SAMD12: variants seen among roughly 807,000 people sequenced by gnomAD.
SAMD12 encodes sterile alpha motif domain-containing protein 12.
In SAMD12, 9 loss-of-function variants were observed where a neutral mutation model predicts 15.0. The observed-to-expected ratio is 0.60, with a 90% CI of 0.36 to 1.05. SAMD12 has a LOEUF of 1.05. SAMD12 is among the 50% of genes least tolerant of loss of function. The probability of loss-of-function intolerance (pLI) is 0.01; values close to 1 mark genes in which losing one functional copy is unlikely to be tolerated. For synonymous variants in SAMD12, 86 were observed against 90.1 expected, an observed-to-expected ratio of 0.96 and a Z score of 0.25; for missense variants, 230 against 234.2, an observed-to-expected ratio of 0.98 and a Z score of 0.12.
chr8:118,433,759 G>GA (rs1232654938), intron 3 of SAMD12, among the ~76,000 whole-genome samples: 2 of 151,994 alleles, frequency 1.3e-5, no homozygotes, highest in Non-Finnish European at 2.9e-5. Context: ...AAAGAAATGT[G>GA]AAAAAACAAA....
chr8:118,562,957 A>G (rs1273037000), intron 2 of SAMD12, among the ~76,000 whole-genome samples: 1 of 152,218 alleles, frequency 6.6e-6, no homozygotes, highest in African/African-American at 2.4e-5. Flanking sequence ...ACATAAGAAA[A>G]AGGCTGCTGA....
chr8:118,197,548 AACCCAT>A (rs1819599814), exon 5 of SAMD12: 4 of 720,274 alleles, frequency 5.6e-6, no homozygotes, highest in Non-Finnish European at 1.0e-5. Context: ...ATTTTTCCAA[AACCCAT>A]AATATTGACT....
chr8:118,392,959 C>T (rs574999219), intron 3 of SAMD12, among the ~76,000 whole-genome samples: 7 of 152,224 alleles, frequency 4.6e-5, no homozygotes, highest in South Asian at 4.2e-4. Flanking sequence ...CCAAGTGATT[C>T]ACCAAATGTT....
chr8:118,446,763 A>G (rs747762686), intron 2 of SAMD12, among the ~76,000 whole-genome samples: 7 of 152,140 alleles, frequency 4.6e-5, no homozygotes, highest in Non-Finnish European at 7.3e-5. Flanking sequence ...TGCCCACTGT[A>G]CTAATCTCCT....
intron 4 of SAMD12, among the ~76,000 whole-genome samples, chr8:118,247,888 T>G (rs1812732346): frequency 6.6e-6 from 1 of 152,162 alleles, no homozygotes; most frequent in African/African-American, 2.4e-5. Flanking sequence ...AAAGATTTAT[T>G]AATCTTATAA....
intron 4 of SAMD12, among the ~76,000 whole-genome samples, chr8:118,249,549 T>A (rs182098078): frequency 6.6e-6 from 1 of 152,194 alleles, no homozygotes; most frequent in Non-Finnish European, 1.5e-5. Context: ...TATGTACGTA[T>A]GCATCACACA....
chr8:118,502,610 C>A (rs763893678), intron 2 of SAMD12, among the ~76,000 whole-genome samples: 1 of 152,140 alleles, frequency 6.6e-6, no homozygotes, highest in Non-Finnish European at 1.5e-5. Flanking sequence ...TTGAAGAGCA[C>A]ATTTTCATTA....
chr8:118,369,332 T>G (rs1818960439), intron 4 of SAMD12, among the ~76,000 whole-genome samples: 1 of 152,066 alleles, frequency 6.6e-6, no homozygotes, highest in South Asian at 2.1e-4. Context: ...TAATAAACGG[T>G]GCTGGGAAAC....
At chr8:118,454,869 A>G (rs1586730834) in intron 2 of SAMD12, among the ~76,000 whole-genome samples, 2 of 152,118 alleles carry the variant, frequency 1.3e-5, no homozygotes, top group South Asian at 2.1e-4. Flanking sequence ...CTATCCTCAT[A>G]TAAGTGGATT....
the SAMD12 span, among the ~76,000 whole-genome samples, chr8:118,175,056 AC>A: frequency 1.2e-4 from 16 of 138,324 alleles, no homozygotes; most frequent in Admixed American, 7.5e-4. Flanking sequence ...AACAAAAAAA[AC>A]AAACAAAAAC....
At chr8:118,186,864 T>A (rs1819251390), downstream of SAMD12, among the ~76,000 whole-genome samples, 1 of 151,972 alleles carries the variant, frequency 6.6e-6, no homozygotes, top group Non-Finnish European at 1.5e-5. Context: ...TGCCTTTGGG[T>A]GGAGGATAAT....
At chr8:118,537,802 C>T (rs975621630) in intron 2 of SAMD12, among the ~76,000 whole-genome samples, 2 of 152,152 alleles carry the variant, frequency 1.3e-5, no homozygotes, top group Admixed American at 1.3e-4. Flanking sequence ...GGATTGGTCC[C>T]TGGTTCCTTA....
chr8:118,402,913 T>C (rs1444978936), intron 3 of SAMD12, among the ~76,000 whole-genome samples: 10 of 152,202 alleles, frequency 6.6e-5, no homozygotes, highest in Admixed American at 5.9e-4. Context: ...AAAAATCTGA[T>C]GCTAAAAACT....
chr8:118,462,935 T>C (rs1823470270), intron 2 of SAMD12, among the ~76,000 whole-genome samples: 1 of 151,582 alleles, frequency 6.6e-6, no homozygotes. Context: ...ACCCCGTCTC[T>C]ACTAAAAACA....
At chr8:118,595,792 C>T (rs985879030) in intron 1 of SAMD12, among the ~76,000 whole-genome samples, 2 of 152,198 alleles carry the variant, frequency 1.3e-5, no homozygotes, top group East Asian at 1.9e-4. Flanking sequence ...AAAACTCCTC[C>T]CTCTTTTCCT....
At chr8:118,207,731 G>T (rs554931755) in intron 4 of SAMD12, among the ~76,000 whole-genome samples, 1 of 151,298 alleles carries the variant, frequency 6.6e-6, no homozygotes, top group Non-Finnish European at 1.5e-5. Flanking sequence ...TCTCCTCTTT[G>T]CCTTTTGCTT....
the SAMD12 span, among the ~76,000 whole-genome samples, chr8:118,147,485 C>T: frequency 7.3e-5 from 11 of 151,008 alleles, no homozygotes; most frequent in Admixed American, 3.3e-4. Context: ...CTCAGCCTCC[C>T]GAGTAGCTGG....
chr8:118,533,218 A>G (rs908835379), intron 2 of SAMD12, among the ~76,000 whole-genome samples: 3 of 152,154 alleles, frequency 2.0e-5, no homozygotes, highest in African/African-American at 4.8e-5. Context: ...ATTCAGGAGC[A>G]GGTTGTTGAG....
intron 2 of SAMD12, among the ~76,000 whole-genome samples, chr8:118,555,940 A>C (rs1826517005): frequency 1.3e-5 from 2 of 152,218 alleles, no homozygotes; most frequent in African/African-American, 4.8e-5. Flanking sequence ...AGGCACAATT[A>C]CCAGTCCTTG....
Sources: gnomAD v4.1 joint callset for allele counts (sites outside exome capture counted in the v4.1 genomes callset) on GRCh38, gnomAD v4.1.1 for gene constraint, MANE v1.5 for transcripts, NCBI Gene and HGNC (gene_info 2026-07-23, HGNC 2026-07-21) for gene names.